Variants in KYAT3 observed in about 807,000 individuals in gnomAD.
KYAT3 encodes kynurenine aminotransferase 3, also known as kynurenine--oxoglutarate transaminase 3.
KYAT3 carries 50 observed loss-of-function variants against 59.0 expected under a neutral mutation model. The observed-to-expected ratio is 0.85, with a 90% confidence interval of 0.68 to 1.07. The LOEUF (loss-of-function observed/expected upper bound fraction) is 1.07, where lower values mean the gene tolerates loss of function less well. Ranked by LOEUF, KYAT3 falls within the 50% of genes least tolerant of loss-of-function variation. The probability of loss-of-function intolerance (pLI) is 0.00; values close to 1 mark genes in which losing one functional copy is unlikely to be tolerated. For synonymous variants in KYAT3, 148 were observed against 177.0 expected, an observed-to-expected ratio of 0.84 and a Z score of 1.30; for missense variants, 497 against 533.3, an observed-to-expected ratio of 0.93 and a Z score of 0.67.
chr1:88,947,605 T>G (rs937797411), intron 11 of KYAT3, among the ~76,000 whole-genome samples: 1 of 152,186 alleles, frequency 6.6e-6, no homozygotes, highest in Non-Finnish European at 1.5e-5. Context: ...AAGTAGCCCA[T>G]GAAAGGCACA....
Position 88,968,794 on chromosome 1 carries a change from G to T in KYAT3, c.179C>A (p.Ala60Asp). 6.3e-7 allele frequency: 1 copy of T among 1,585,058 alleles called. No individual in the cohort carries two copies. Among genetic ancestry groups the T allele is most frequent in the Non-Finnish European group, 8.5e-7 (1 of 1,172,422 alleles). ...AAGATTCACAACAGAAGGGTCTGCA[G>T]CCAATTTGGTAAATTCAATCCTAAG... ...SNVWIEFTKL[A>D]ADPSVVNLGQ... The change falls in exon 4 of 14, where the codon GCT (alanine) becomes GAT (aspartate). Residue 60 changes from alanine (A) to aspartate (D), a missense_variant. Transcript: ENST00000260508.
intron 2 of KYAT3, among the ~76,000 whole-genome samples, chr1:88,971,963 A>T (rs1676572748): frequency 1.3e-5 from 2 of 152,372 alleles, no homozygotes; most frequent in African/African-American, 4.8e-5. Flanking sequence ...TGAGATAAAT[A>T]AGAGTTCAGT....
intron 8 of KYAT3, among the ~76,000 whole-genome samples, chr1:88,959,464 T>C (rs1180510479): frequency 6.6e-6 from 1 of 150,706 alleles, no homozygotes; most frequent in Non-Finnish European, 1.5e-5. Flanking sequence ...TCCCAGCTAC[T>C]TGGGAGCCTG....
At chr1:88,962,988 C>CT (rs397956625) in intron 5 of KYAT3, among the ~76,000 whole-genome samples, 15,872 of 144,574 alleles carry the variant, frequency 0.11, 902 homozygotes, top group Middle Eastern at 0.2. Context: ...TCCTCTCTCT[C>CT]TTTTTTTTTT....
At chr1:88,963,846 T>G (rs935485824) in intron 5 of KYAT3, among the ~76,000 whole-genome samples, 1 of 152,220 alleles carries the variant, frequency 6.6e-6, no homozygotes, top group Admixed American at 6.5e-5. Flanking sequence ...CTGAGGTAGT[T>G]GCAAAAGTTG....
In KYAT3 at chr1:88,982,871, C is replaced by G. The variant is rs1677176276; in HGVS notation, c.99+5381G>C. 6 of 1,613,870 alleles carry G rather than the reference C, an allele frequency of 3.7e-6. No homozygotes were observed. Among genetic ancestry groups the G allele is most frequent in the Non-Finnish European group, 5.1e-6 (6 of 1,179,890 alleles). On this transcript the variant is annotated intron_variant, in intron 2 of 13. Transcript: ENST00000260508. Reference sequence around the variant, plus strand: ...GTAACTGTCTCGACTTCCACCATATCCATCACGTGAGCTGCTATAATCATC... The same window carrying G: ...GTAACTGTCTCGACTTCCACCATATGCATCACGTGAGCTGCTATAATCATC...
chr1:88,985,597 G>T lies in KYAT3; in HGVS notation c.99+2655C>A, dbSNP rs540235110. On this transcript the variant is annotated intron_variant, in intron 2 of 13. Coordinates refer to ENST00000260508, the MANE Select transcript of KYAT3 (RefSeq NM_001008661.3). ...AAAATTAAACATCAAAACTCCTAGT[G>T]TGTGAAGTAGGCAGGTTACCTGACA... Among the ~76,000 whole-genome samples the T allele has an allele frequency of 2.6e-5, 4 of 152,340 alleles. No homozygotes were observed. In the South Asian group the frequency reaches 8.3e-4, roughly 32 times the overall value.
At chr1:88,962,033 C>T in intron 6 of KYAT3, 26 bp downstream of exon 6, 1 of 1,540,050 alleles carries the variant, frequency 6.5e-7, no homozygotes, top group Non-Finnish European at 9.0e-7. Flanking sequence ...GAAACTTTGC[C>T]ATATGAACCA....
intron 2 of KYAT3, among the ~76,000 whole-genome samples, chr1:88,978,807 G>A (rs1180669229): frequency 3.9e-5 from 5 of 128,142 alleles, no homozygotes; most frequent in Non-Finnish European, 8.7e-5. Flanking sequence ...CTCCATGCCC[G>A]GCCTTAATTT....
downstream of KYAT3, among the ~76,000 whole-genome samples, chr1:88,933,288 G>A (rs186461944): frequency 6.6e-6 from 1 of 152,178 alleles, no homozygotes; most frequent in Admixed American, 6.5e-5. Context: ...TTTAATTTTT[G>A]TTCACTGATG....
intron 10 of KYAT3, among the ~76,000 whole-genome samples, chr1:88,952,531 T>A (rs748635361): frequency 6.6e-6 from 1 of 152,202 alleles, no homozygotes; most frequent in African/African-American, 2.4e-5. Context: ...CTTCTCTCCC[T>A]CCTGCTCCAG....
intron 11 of KYAT3, 66 bp from the exon 12 acceptor site, chr1:88,943,489 G>A (rs767616098): frequency 7.2e-6 from 6 of 832,008 alleles, no homozygotes; most frequent in Non-Finnish European, 1.2e-5. Context: ...TTTCATTTAA[G>A]TCTATCAAGA....
At chr1:88,967,689 C>T (rs1463896845) in intron 4 of KYAT3, among the ~76,000 whole-genome samples, 1 of 152,048 alleles carries the variant, frequency 6.6e-6, no homozygotes, top group East Asian at 1.9e-4. Context: ...ATAAAATTAT[C>T]CATAATATTA....
chr1:88,963,026 A>G (rs1280518348), intron 5 of KYAT3, among the ~76,000 whole-genome samples: 1 of 148,008 alleles, frequency 6.8e-6, no homozygotes, highest in Non-Finnish European at 1.5e-5. Flanking sequence ...CGTCCTCACT[A>G]TTTTAGGTGC....
intron 2 of KYAT3, 31 bp downstream of exon 2, chr1:88,988,221 A>G (rs1677582921): frequency 6.9e-7 from 1 of 1,444,432 alleles, no homozygotes; most frequent in African/African-American, 1.4e-5. Context: ...GAATATGTAC[A>G]ATAATTTATC....
chr1:88,926,214 T>C, the KYAT3 span, among the ~76,000 whole-genome samples: 4 of 152,214 alleles, frequency 2.6e-5, no homozygotes, highest in African/African-American at 9.6e-5. Flanking sequence ...AAAAAGGTAA[T>C]TTAACACCAA....
intron 8 of KYAT3, among the ~76,000 whole-genome samples, chr1:88,958,731 G>A (rs747119059): frequency 5.9e-5 from 9 of 152,204 alleles, no homozygotes; most frequent in African/African-American, 9.7e-5. Context: ...ATGAACAGAA[G>A]TGTGATTTTT....
At chr1:88,982,505 TA>T in intron 2 of KYAT3, 1 of 1,274,588 alleles carries the variant, frequency 7.8e-7, no homozygotes. Context: ...CACAAGAACA[TA>T]AAAATTACGG....
chr1:88,953,261 T>G (rs1168179821), intron 9 of KYAT3, 109 bp from the exon 10 acceptor site: 2 of 732,670 alleles, frequency 2.7e-6, no homozygotes, highest in Non-Finnish European at 4.6e-6. Flanking sequence ...TCCTAAAATG[T>G]TGGCTGGGTA....
Sources: gnomAD v4.1 joint callset for allele counts (sites outside exome capture counted in the v4.1 genomes callset) on GRCh38, gnomAD v4.1.1 for gene constraint, MANE v1.5 for transcripts, NCBI Gene and HGNC (gene_info 2026-07-23, HGNC 2026-07-21) for gene names.